NXPE2: variants seen among roughly 807,000 people sequenced by gnomAD.
NXPE2 encodes the protein neurexophilin and PC-esterase domain family member 2, also known as NXPE family member 2.
NXPE2 carries 34 observed loss-of-function variants against 34.4 expected under a neutral mutation model. That is an observed-to-expected ratio of 0.99 (90% CI 0.75 to 1.31). NXPE2 has a LOEUF of 1.31. NXPE2 is among the 40% of genes most tolerant of loss of function. The pLI, the probability that NXPE2 is intolerant of heterozygous loss-of-function variation, is 0.00. For missense variants in NXPE2, 649 were observed against 672.5 expected (o/e 0.97, Z 0.39); for synonymous variants, 235 against 231.3 (o/e 1.02, Z -0.15).
chr11:114,678,117 C>A (rs541207983), upstream of NXPE2, among the ~76,000 whole-genome samples: 1 of 152,150 alleles, frequency 6.6e-6, no homozygotes, highest in South Asian at 2.1e-4. Context: ...ATTGAGAGGA[C>A]CCAGCTGAAT....
chr11:114,494,210 T>C, the NXPE2 span, among the ~76,000 whole-genome samples: 2 of 152,192 alleles, frequency 1.3e-5, no homozygotes, highest in African/African-American at 4.8e-5. Context: ...TGATATCTTA[T>C]ATCCTTTTTG....
the NXPE2 span, among the ~76,000 whole-genome samples, chr11:114,760,198 G>A: frequency 6.6e-5 from 10 of 152,160 alleles, no homozygotes; most frequent in Non-Finnish European, 1.3e-4. Context: ...CATGAGGGCA[G>A]AGCCCTCATA....
chr11:114,561,235 CACTT>C, the NXPE2 span, among the ~76,000 whole-genome samples: 1 of 152,192 alleles, frequency 6.6e-6, no homozygotes, highest in South Asian at 2.1e-4. Flanking sequence ...CAGTTTCTGA[CACTT>C]AGTTTAAGCA....
chr11:114,636,263 A>G, the NXPE2 span, among the ~76,000 whole-genome samples: 1 of 152,062 alleles, frequency 6.6e-6, no homozygotes, highest in Non-Finnish European at 1.5e-5. Flanking sequence ...AGGTGTTTGT[A>G]GTATTCTCTG....
chr11:114,800,291 CAT>C, the NXPE2 span, among the ~76,000 whole-genome samples: 1 of 152,224 alleles, frequency 6.6e-6, no homozygotes, highest in African/African-American at 2.4e-5. Flanking sequence ...CTCACATGCA[CAT>C]GATATAATTT....
the NXPE2 span, chr11:114,528,802 T>C: frequency 1.5e-6 from 1 of 677,828 alleles, no homozygotes. Flanking sequence ...GTACCTGATT[T>C]CCTGCTATAG....
chr11:114,610,074 A>G, the NXPE2 span, among the ~76,000 whole-genome samples: 1 of 151,766 alleles, frequency 6.6e-6, no homozygotes, highest in Non-Finnish European at 1.5e-5. Context: ...CCTCATGGGT[A>G]ACCACTGTTA....
chr11:114,563,060 C>T, the NXPE2 span, among the ~76,000 whole-genome samples: 2 of 151,914 alleles, frequency 1.3e-5, no homozygotes, highest in Non-Finnish European at 2.9e-5. Context: ...TTTGATGAAC[C>T]AGTAGGCACC....
the NXPE2 span, chr11:114,583,722 T>G: frequency 9.1e-6 from 5 of 548,170 alleles, no homozygotes; most frequent in African/African-American, 9.5e-5. Flanking sequence ...AATGATACAA[T>G]CTGGGCCACC....
At chr11:114,585,934 A>G in the NXPE2 span, among the ~76,000 whole-genome samples, 2 of 152,184 alleles carry the variant, frequency 1.3e-5, no homozygotes, top group East Asian at 3.9e-4. Context: ...CCATGTGTAC[A>G]GTAAAAAAGC....
chr11:114,503,042 A>G, the NXPE2 span, among the ~76,000 whole-genome samples: 1 of 151,898 alleles, frequency 6.6e-6, no homozygotes, highest in Non-Finnish European at 1.5e-5. Flanking sequence ...AAGATCACAC[A>G]TAGGATTTTG....
chr11:114,707,014 T>C lies in NXPE2; in HGVS notation c.*84T>C. ...AAGATAGTTTAATGCAATCCAAGTT[T>C]TGAGGAAACTAAATTTGAAAAAGTT... On this transcript the variant is annotated 3_prime_UTR_variant, in exon 6 of 6. Transcript: ENST00000389586. 3 of 1,083,940 alleles carry C rather than the reference T, an allele frequency of 2.8e-6. No homozygotes were observed. Among genetic ancestry groups the C allele is most frequent in the Middle Eastern group, 4.2e-4 (2 of 4,778 alleles). 67.1% of individuals were successfully genotyped at this position (1,083,940 alleles called of 1,614,324 possible).
At chr11:114,778,215 C>CT in the NXPE2 span, among the ~76,000 whole-genome samples, 1 of 152,062 alleles carries the variant, frequency 6.6e-6, no homozygotes, top group African/African-American at 2.4e-5. Context: ...TGAAGCAGGT[C>CT]TAGAAGAGTG....
chr11:114,700,681 AT>A (rs1352436542), intron 3 of NXPE2, among the ~76,000 whole-genome samples: 2 of 152,198 alleles, frequency 1.3e-5, no homozygotes, highest in Non-Finnish European at 2.9e-5. Context: ...ATAAAAAAAA[AT>A]AAGTAAAATA....
At chr11:114,788,201 G>A in the NXPE2 span, among the ~76,000 whole-genome samples, 3 of 152,282 alleles carry the variant, frequency 2.0e-5, no homozygotes, top group South Asian at 2.1e-4. Flanking sequence ...CTTTCAACAC[G>A]GCCATGAGAA....
At chr11:114,733,983 A>C in the NXPE2 span, among the ~76,000 whole-genome samples, 1 of 152,192 alleles carries the variant, frequency 6.6e-6, no homozygotes, top group African/African-American at 2.4e-5. Flanking sequence ...CCTTCAAACA[A>C]TGTCTTTTCT....
chr11:114,806,141 G>A, the NXPE2 span, among the ~76,000 whole-genome samples: 1 of 152,196 alleles, frequency 6.6e-6, no homozygotes, highest in Non-Finnish European at 1.5e-5. Flanking sequence ...GGTCCTGTCT[G>A]TTAGAAGGAA....
the NXPE2 span, among the ~76,000 whole-genome samples, chr11:114,729,385 C>T: frequency 6.6e-6 from 1 of 152,070 alleles, no homozygotes; most frequent in Non-Finnish European, 1.5e-5. Context: ...GTGCATGTGT[C>T]TCTTTGGTAG....
the NXPE2 span, among the ~76,000 whole-genome samples, chr11:114,713,144 A>G: frequency 6.6e-6 from 1 of 152,204 alleles, no homozygotes; most frequent in Non-Finnish European, 1.5e-5. Flanking sequence ...GTTAGTATTT[A>G]GTGGTATAGA....
Sources: gnomAD v4.1 joint callset for allele counts (sites outside exome capture counted in the v4.1 genomes callset) on GRCh38, gnomAD v4.1.1 for gene constraint, MANE v1.5 for transcripts, NCBI Gene and HGNC (gene_info 2026-07-23, HGNC 2026-07-21) for gene names.